Variants in CYP7B1 observed in about 807,000 individuals in gnomAD.
CYP7B1 encodes the protein cytochrome P450 family 7 subfamily B member 1.
Under a neutral mutation model 42.7 loss-of-function variants are expected in CYP7B1, and 29 were observed. The ratio of observed to expected loss-of-function variants is 0.68; its 90% CI spans 0.51 to 0.93. The LOEUF (loss-of-function observed/expected upper bound fraction) is 0.93. Ranked by LOEUF, CYP7B1 falls within the 40% of genes least tolerant of loss-of-function variation. The probability of loss-of-function intolerance (pLI) is 0.00; values close to 1 mark genes in which losing one functional copy is unlikely to be tolerated. For missense variants in CYP7B1, 655 were observed against 600.5 expected (o/e 1.09, Z -0.95); for synonymous variants, 235 against 218.2 (o/e 1.08, Z -0.68).
downstream of CYP7B1, among the ~76,000 whole-genome samples, chr8:64,588,648 T>C (rs1049587911): frequency 6.6e-6 from 1 of 152,216 alleles, no homozygotes; most frequent in African/African-American, 2.4e-5. Flanking sequence ...AGATAAACAA[T>C]CTCTGATTAT....
intron 1 of CYP7B1, 79 bp downstream of exon 1, chr8:64,798,387 G>T: frequency 3.5e-6 from 5 of 1,423,436 alleles, no homozygotes; most frequent in Non-Finnish European, 4.5e-6. Flanking sequence ...TCATGGAGGG[G>T]GACTCCCCTC....
intron 1 of CYP7B1, among the ~76,000 whole-genome samples, chr8:64,793,638 T>C (rs1358097738): frequency 6.6e-6 from 1 of 152,142 alleles, no homozygotes; most frequent in African/African-American, 2.4e-5. Flanking sequence ...AGAAGTCTTC[T>C]ATGGGAAGGA....
chr8:64,614,980 G>T, intron 4 of CYP7B1, 46 bp downstream of exon 4: 1 of 1,595,988 alleles, frequency 6.3e-7, no homozygotes, highest in Non-Finnish European at 8.6e-7. Flanking sequence ...AACCGAGTTT[G>T]CAGAGAGGTA....
rs143730752 is a variant in CYP7B1 at position 64,753,967 on chromosome 8, C to T, written c.122+44499G>A. On this transcript the variant is annotated intron_variant, in intron 1 of 5. Transcript: ENST00000310193. ...AACCATGTCCATGCAACAAAGATGC[C>T]AGTGTGGTTGGTCCCATACACAACC... 7.1e-3 allele frequency among the ~76,000 whole-genome samples: 1,073 copies of T among 151,564 alleles called. 7 individuals carry two copies. Among genetic ancestry groups the T allele is most frequent in the Non-Finnish European group, 0.011 (759 of 67,958 alleles).
At chr8:64,607,713 T>A (rs1374862948) in intron 4 of CYP7B1, among the ~76,000 whole-genome samples, 1 of 152,242 alleles carries the variant, frequency 6.6e-6, no homozygotes, top group Non-Finnish European at 1.5e-5. Context: ...AAGGTCATTG[T>A]GAGTCATTAA....
At chr8:64,798,346 C>A (rs996107103) in intron 1 of CYP7B1, 120 bp downstream of exon 1, 6 of 1,341,520 alleles carry the variant, frequency 4.5e-6, no homozygotes, top group African/African-American at 3.1e-5. Flanking sequence ...GCCAGTACCC[C>A]GCAGCAAGTT....
chr8:64,759,971 T>C (rs933349048), intron 1 of CYP7B1, among the ~76,000 whole-genome samples: 2 of 152,182 alleles, frequency 1.3e-5, no homozygotes, highest in Admixed American at 6.5e-5. Flanking sequence ...GAATATGTTA[T>C]AGAATTTTTA....
intron 1 of CYP7B1, among the ~76,000 whole-genome samples, chr8:64,696,106 A>G (rs2129632326): frequency 6.6e-6 from 1 of 152,292 alleles, no homozygotes; most frequent in East Asian, 1.9e-4. Flanking sequence ...GGTCATGACT[A>G]TTCTTTACCA....
chr8:64,716,701 C>T (rs1306371367), intron 1 of CYP7B1, among the ~76,000 whole-genome samples: 3 of 152,008 alleles, frequency 2.0e-5, no homozygotes, highest in Non-Finnish European at 4.4e-5. Context: ...AGAGAGACTC[C>T]ATTTCAAAAA....
intron 1 of CYP7B1, among the ~76,000 whole-genome samples, chr8:64,676,036 C>T (rs1001668357): frequency 6.6e-6 from 1 of 152,096 alleles, no homozygotes; most frequent in African/African-American, 2.4e-5. Context: ...CAAGGAACAG[C>T]AGAAGTGTTC....
At chr8:64,671,535 G>A (rs914899793) in intron 1 of CYP7B1, among the ~76,000 whole-genome samples, 59 of 152,084 alleles carry the variant, frequency 3.9e-4, no homozygotes, top group Admixed American at 3.9e-3. Context: ...CATGTAATCA[G>A]TAGAAAGGCC....
At chr8:64,746,356 A>G (rs916726421) in intron 1 of CYP7B1, among the ~76,000 whole-genome samples, 6 of 152,194 alleles carry the variant, frequency 3.9e-5, no homozygotes, top group Non-Finnish European at 8.8e-5. Context: ...TTGTTTTACC[A>G]CAAGAAAAAT....
At chr8:64,751,139 T>C (rs1807719697) in intron 1 of CYP7B1, among the ~76,000 whole-genome samples, 1 of 152,232 alleles carries the variant, frequency 6.6e-6, no homozygotes, top group Admixed American at 6.5e-5. Flanking sequence ...GTTTTAAATT[T>C]TAAAAGTAAT....
intron 1 of CYP7B1, among the ~76,000 whole-genome samples, chr8:64,686,216 C>G (rs1806639926): frequency 1.8e-5 from 1 of 56,978 alleles, no homozygotes; most frequent in African/African-American, 6.5e-5. Flanking sequence ...GCCGCCCCGT[C>G]CGGGAGGGAG....
At chr8:64,764,876 C>A (rs1051604924) in intron 1 of CYP7B1, among the ~76,000 whole-genome samples, 1 of 152,068 alleles carries the variant, frequency 6.6e-6, no homozygotes, top group Admixed American at 6.6e-5. Context: ...ATTCCCTAAA[C>A]CCTGCAGATT....
chr8:64,630,048 T>A (rs1278766436), intron 1 of CYP7B1, among the ~76,000 whole-genome samples: 1 of 152,020 alleles, frequency 6.6e-6, no homozygotes, highest in Non-Finnish European at 1.5e-5. Flanking sequence ...AACGCAAAGG[T>A]GGAGGGCTAT....
chr8:64,641,390 A>C (rs1805854057), intron 1 of CYP7B1, among the ~76,000 whole-genome samples: 2 of 152,186 alleles, frequency 1.3e-5, no homozygotes, highest in Non-Finnish European at 2.9e-5. Context: ...ATCTAAAGCA[A>C]AAGAAAAGAA....
At chr8:64,765,288 G>A (rs1807955209) in intron 1 of CYP7B1, among the ~76,000 whole-genome samples, 1 of 152,220 alleles carries the variant, frequency 6.6e-6, no homozygotes, top group Non-Finnish European at 1.5e-5. Flanking sequence ...GCCTTAGACA[G>A]TCTAGTCCAC....
intron 1 of CYP7B1, among the ~76,000 whole-genome samples, chr8:64,643,112 T>TATATACATATATATAC (rs1554527625): frequency 1.5e-5 from 2 of 132,898 alleles, no homozygotes; most frequent in East Asian, 2.3e-4. Context: ...TATATATACA[T>TATATACATATATATAC]ATATATACAT....
Sources: allele counts gnomAD v4.1 joint callset (sites outside exome capture counted in the v4.1 genomes callset), GRCh38; gene constraint gnomAD v4.1.1; transcripts MANE v1.5; gene names NCBI Gene and HGNC (gene_info 2026-07-23, HGNC 2026-07-21).